Variants in TUBB8 observed in about 807,000 individuals in gnomAD.
TUBB8 encodes tubulin beta-8 chain.
A neutral mutation model predicts 33.7 loss-of-function variants in TUBB8; 25 were observed. The ratio of observed to expected loss-of-function variants is 0.74; its 90% CI spans 0.54 to 1.04. The LOEUF is 1.04. Among genes scored for constraint, TUBB8 ranks in the 50% least tolerant of loss-of-function variants. The pLI, the probability that TUBB8 is intolerant of heterozygous loss-of-function variation, is 0.00. For synonymous variants in TUBB8, 245 were observed against 240.1 expected (o/e 1.02, Z -0.19); for missense variants, 279 against 608.0 (o/e 0.46, Z 5.69).
At chr10:69,083 G>A (rs1554742002) in intron 1 of TUBB8, among the ~76,000 whole-genome samples, 1 of 152,194 alleles carries the variant, frequency 6.6e-6, no homozygotes, top group Non-Finnish European at 1.5e-5. Context: ...GATCTCAACT[G>A]TAAAATGGCA....
chr10:53,334 G>T (rs577632137), upstream of TUBB8, among the ~76,000 whole-genome samples: 7 of 152,232 alleles, frequency 4.6e-5, no homozygotes, highest in South Asian at 1.5e-3. Context: ...CACTCTGTTG[G>T]CCGGGCTGGT....
chr10:50,676 A>C (rs1554739460), upstream of TUBB8, among the ~76,000 whole-genome samples: 1 of 152,226 alleles, frequency 6.6e-6, no homozygotes, highest in Non-Finnish European at 1.5e-5. Context: ...CAGCATAAGC[A>C]TGAAGCACTA....
chr10:74,907 T>A (rs1287482856), upstream of TUBB8, among the ~76,000 whole-genome samples: 3 of 140,182 alleles, frequency 2.1e-5, no homozygotes, highest in African/African-American at 8.1e-5. Flanking sequence ...GGAGTTTCAC[T>A]CTTATTGCCC....
chr10:68,831 G>A (rs1387625944), intron 1 of TUBB8, among the ~76,000 whole-genome samples: 3 of 152,156 alleles, frequency 2.0e-5, no homozygotes, highest in Non-Finnish European at 4.4e-5. Flanking sequence ...TCACTTCACT[G>A]CCTGCCCCAA....
Position 47,731 on chromosome 10 carries a change from T to C in TUBB8, c.661A>G (p.Thr221Ala). Residue 221 changes from threonine (T) to alanine (A), a missense_variant, in exon 4 of 4, where the codon ACC becomes GCC. Coordinates refer to ENST00000568584, the MANE Select transcript of TUBB8 (RefSeq NM_177987.3). ...CSKTLKLPTP[T>A]YGDLNHLVSA... The stretch of plus-strand genomic sequence containing the variant: ...ACCAGGTGGTTCAGGTCACCATAGG[T>C]GGGTGTGGGCAGTTTTAGGGTCTTG... 1.2e-6 allele frequency: 2 copies of C among 1,612,962 alleles called. No homozygotes were observed.
At chr10:61,968 T>G (rs1249548130) in intron 1 of TUBB8, among the ~76,000 whole-genome samples, 1 of 150,440 alleles carries the variant, frequency 6.6e-6, no homozygotes, top group Non-Finnish European at 1.5e-5. Flanking sequence ...CGTTTTATTT[T>G]CAGTCTAAAT....
chr10:62,350 A>G (rs1471907122), intron 1 of TUBB8, among the ~76,000 whole-genome samples: 1 of 151,720 alleles, frequency 6.6e-6, no homozygotes, highest in African/African-American at 2.4e-5. Flanking sequence ...CATTGATTGC[A>G]TAAACAAAGA....
chr10:59,677 A>C (rs1185057869), intron 1 of TUBB8, among the ~76,000 whole-genome samples: 1 of 152,152 alleles, frequency 6.6e-6, no homozygotes, highest in African/African-American at 2.4e-5. Context: ...TTGCTTTTTA[A>C]ATGTGTCTTT....
At chr10:49,658 C>T, upstream of TUBB8, 1 of 455,306 alleles carries the variant, frequency 2.2e-6, no homozygotes, top group Non-Finnish European at 4.4e-6. Context: ...GTCTTTTCAT[C>T]TATTAGGAGA....
In TUBB8 at chr10:71,873, G is replaced by A. The variant is rs374473363; in HGVS notation, c.-846+2096C>T. Reference sequence around the variant, plus strand: ...TGCAGTAAGCCATGATCACACCACCGCACTCCAGCCTGGGTGATAGAGCAA... The same window carrying A: ...TGCAGTAAGCCATGATCACACCACCACACTCCAGCCTGGGTGATAGAGCAA... On this transcript the variant is annotated intron_variant, in intron 1 of 3. Transcript: ENST00000564130. 6.6e-4 allele frequency among the ~76,000 whole-genome samples: 100 copies of A among 151,516 alleles called. No homozygotes were observed. The East Asian group carries it at 8.6e-3, about 13-fold the overall frequency.
rs781949445 is a variant in TUBB8, at chr10:49,188, G to C, written c.51C>G (p.Gly17=). ...TQIGQCGNQI[G]AKFWEVISDE... ...CAGAGCCCCGGCTGCCAACCTTGGCGCCGATCTGATTCCCGCACTGCCCGA... is the reference window on the plus strand; with the variant it reads ...CAGAGCCCCGGCTGCCAACCTTGGCCCCGATCTGATTCCCGCACTGCCCGA... The change falls in exon 1 of 4, where the codon GGC becomes GGG. Residue 17 remains glycine, a synonymous_variant. Transcript: ENST00000568584. 30 of 1,573,440 alleles carry C rather than the reference G, an allele frequency of 1.9e-5. No homozygotes were observed. The highest frequency in any genetic ancestry group is 9.5e-5 in the African/African-American group (7 of 73,900).
intron 1 of TUBB8, among the ~76,000 whole-genome samples, chr10:70,598 G>T (rs1355993552): frequency 6.6e-6 from 1 of 152,138 alleles, no homozygotes; most frequent in East Asian, 1.9e-4. Flanking sequence ...ACAGTACTTT[G>T]GGAGGCCGAG....
upstream of TUBB8, among the ~76,000 whole-genome samples, chr10:53,475 G>A (rs1834493304): frequency 6.6e-6 from 1 of 152,228 alleles, no homozygotes; most frequent in Non-Finnish European, 1.5e-5. Context: ...TGAGCAGGGA[G>A]CTGAGCAAAT....
At chr10:49,750 A>C, upstream of TUBB8, 1 of 365,258 alleles carries the variant, frequency 2.7e-6, no homozygotes, top group South Asian at 2.1e-5. Context: ...TCTAACCCAC[A>C]ATAAGCTATG....
At chr10:49,731 T>C (rs1363276758), upstream of TUBB8, 1 of 376,758 alleles carries the variant, frequency 2.7e-6, no homozygotes, top group Admixed American at 3.3e-5. Context: ...CGTTTTACTT[T>C]GGAGCAGTTC....
intron 1 of TUBB8, among the ~76,000 whole-genome samples, chr10:67,615 G>A (rs782515454): frequency 3.3e-5 from 5 of 152,064 alleles, no homozygotes; most frequent in Non-Finnish European, 4.4e-5. Flanking sequence ...TAGTACAGAC[G>A]GGGTTTCACC....
At chr10:67,141 TG>T (rs1249975901) in intron 1 of TUBB8, among the ~76,000 whole-genome samples, 3 of 101,992 alleles carry the variant, frequency 2.9e-5, no homozygotes, top group South Asian at 3.2e-4. Context: ...TGAGTTGTTT[TG>T]TTTTTTTGTT....
chr10:73,535 C>G (rs1321272134), intron 1 of TUBB8, among the ~76,000 whole-genome samples: 4 of 152,170 alleles, frequency 2.6e-5, no homozygotes, highest in Non-Finnish European at 4.4e-5. Flanking sequence ...CCCAGCTACT[C>G]GAGAGGCTGA....
In TUBB8 at chr10:49,229, T is replaced by C; in HGVS notation, c.10A>G (p.Ile4Val). ...CACTGCCCGATCTGCGTGAGCACGA[T>C]CTCCCTCATGGCCAAGGCGGGATTA... MRE[I>V]VLTQIGQCGN... The change falls in exon 1 of 4, where the codon ATC becomes GTC. Residue 4 changes from isoleucine to valine, a missense_variant. This residue lies in a region of TUBB8 where 56 missense variants were observed against 77.9 expected (regional missense o/e 0.72). Transcript: ENST00000568584. 1.3e-6 allele frequency: 2 copies of C among 1,583,464 alleles called. No homozygotes were observed. The highest frequency in any genetic ancestry group is 1.7e-6 in the Non-Finnish European group (2 of 1,165,556).
Sources: gnomAD v4.1 joint callset for allele counts (sites outside exome capture counted in the v4.1 genomes callset) on GRCh38, gnomAD v4.1.1 for gene constraint, gnomAD v4.1.1 regional missense constraint, MANE v1.5 for transcripts, NCBI Gene and HGNC (gene_info 2026-07-23, HGNC 2026-07-21) for gene names.